Variants in GNL3L observed in about 807,000 individuals in gnomAD.
The protein encoded by GNL3L is guanine nucleotide-binding protein-like 3-like protein.
In GNL3L, 4 loss-of-function variants were observed where a neutral mutation model predicts 42.9. The ratio of observed to expected loss-of-function variants is 0.09; its 90% CI spans 0.05 to 0.21. The LOEUF is 0.21. Among genes scored for constraint, GNL3L ranks in the 10% least tolerant of loss-of-function variants. The pLI is 1.00. For missense variants in GNL3L, 412 were observed against 481.7 expected (o/e 0.86, Z 1.36); for synonymous variants, 159 against 176.3 (o/e 0.90, Z 0.78).
At chrX:54,551,162 CT>C (rs1251082561) in intron 10 of GNL3L, 112 bp downstream of exon 10, 2 of 523,746 alleles carry the variant, frequency 3.8e-6, no homozygotes, top group Non-Finnish European at 3.3e-6. Flanking sequence ...TCCCCTGATG[CT>C]TTCCCCAGGC....
chrX:54,542,961 G>A lies in GNL3L; in HGVS notation c.313G>A (p.Val105Ile), dbSNP rs765214560. 9 of 1,173,944 alleles carry A rather than the reference G, an allele frequency of 7.7e-6. No homozygotes were observed. The East Asian group carries it at 2.4e-4, about 31-fold the overall frequency. ...RQEEFEHKEEVLQELNMFPQL... is the reference protein window; with the variant it reads ...RQEEFEHKEEILQELNMFPQL... ...CTTTTTTTTTCTCCTTTAGGAGGAA[G>A]TTTTGCAGGAATTAAATATGTTTCC... Residue 105 changes from valine (V) to isoleucine (I), a missense_variant, in exon 6 of 16, where the codon GTT becomes ATT. Transcript: ENST00000360845.
chrX:54,630,635 A>T, the GNL3L span, among the ~76,000 whole-genome samples: 3 of 100,202 alleles, frequency 3.0e-5, no homozygotes, highest in East Asian at 3.2e-4. Context: ...TATAATTTCG[A>T]TTTTCTTTTG....
chrX:54,606,955 G>C (rs1926069159), intron 16 of GNL3L, among the ~76,000 whole-genome samples: 1 of 108,322 alleles, frequency 9.2e-6, no homozygotes, highest in Admixed American at 9.9e-5. Context: ...TATATATCTT[G>C]TTCTGAGTGA....
At chrX:54,607,070 T>G in intron 16 of GNL3L, among the ~76,000 whole-genome samples, 1 of 48,572 alleles carries the variant, frequency 2.1e-5, no homozygotes, top group African/African-American at 1.2e-4. Context: ...CTTTCTTTCT[T>G]TCTCTTTCTT....
intron 13 of GNL3L, among the ~76,000 whole-genome samples, chrX:54,553,222 A>T (rs892519779): frequency 9.0e-6 from 1 of 111,179 alleles, no homozygotes; most frequent in East Asian, 2.9e-4. Flanking sequence ...ACTCTCAGAA[A>T]CTCCTGAGAA....
chrX:54,622,688 G>A (rs5961104), downstream of GNL3L, among the ~76,000 whole-genome samples: 16,308 of 110,335 alleles, frequency 0.15, 1,958 homozygotes, highest in African/African-American at 0.41. Context: ...CACTTTCTTG[G>A]TAATGCCCTT....
In GNL3L at chrX:54,530,377, T is replaced by C. The variant is rs1924208315; in HGVS notation, c.-90T>C. On this transcript the variant is annotated 5_prime_UTR_variant, in exon 1 of 16. Coordinates refer to ENST00000360845, the MANE Select transcript of GNL3L (RefSeq NM_001184819.2). ...ACGGCCGGGCAGTTAGGATCGTCTATTGGATGTGAAACCAGAGATGCCCGC... is the reference window on the plus strand; with the variant it reads ...ACGGCCGGGCAGTTAGGATCGTCTACTGGATGTGAAACCAGAGATGCCCGC... 1 of 110,997 alleles carries C rather than the reference T, an allele frequency of 9.0e-6. No individual in the cohort carries two copies. Among genetic ancestry groups the C allele is most frequent in the South Asian group, 3.9e-4 (1 of 2,569 alleles). 9.1% of individuals were successfully genotyped at this position (110,997 alleles called of 1,213,427 possible).
intron 16 of GNL3L, among the ~76,000 whole-genome samples, chrX:54,587,635 C>T (rs1925801815): frequency 9.1e-6 from 1 of 109,932 alleles, no homozygotes; most frequent in African/African-American, 3.3e-5. Context: ...GTTAGATTTA[C>T]ATCTGAGTGT....
the GNL3L span, among the ~76,000 whole-genome samples, chrX:54,644,276 C>T: frequency 2.7e-5 from 3 of 112,053 alleles, no homozygotes; most frequent in South Asian, 3.7e-4. Context: ...TGCCAGCATC[C>T]GTTATTTTTT....
At chrX:54,538,859 C>T (rs1007182317) in intron 2 of GNL3L, among the ~76,000 whole-genome samples, 181 bp from the exon 3 acceptor site, 1 of 111,826 alleles carries the variant, frequency 8.9e-6, no homozygotes, top group African/African-American at 3.3e-5. Flanking sequence ...AATATTATAT[C>T]CAGTACTTCC....
chrX:54,533,257 G>T (rs1229148417), intron 2 of GNL3L, among the ~76,000 whole-genome samples: 2 of 109,332 alleles, frequency 1.8e-5, no homozygotes, highest in African/African-American at 6.7e-5. Context: ...AATGCCAGCT[G>T]CTTGGGAGGC....
intron 16 of GNL3L, among the ~76,000 whole-genome samples, chrX:54,583,519 T>C (rs1278712122): frequency 9.1e-6 from 1 of 110,408 alleles, no homozygotes; most frequent in Non-Finnish European, 1.9e-5. Flanking sequence ...TTATAGATCA[T>C]TGATGTCAAG....
chrX:54,593,839 T>C (rs1252713953), intron 16 of GNL3L, among the ~76,000 whole-genome samples: 1 of 111,929 alleles, frequency 8.9e-6, no homozygotes, highest in Non-Finnish European at 1.9e-5. Context: ...AATTTTCTTC[T>C]TAATTTCCTC....
intron 16 of GNL3L, among the ~76,000 whole-genome samples, chrX:54,607,026 TTC>T (rs1926079606): frequency 1.5e-5 from 1 of 65,980 alleles, no homozygotes; most frequent in Non-Finnish European, 2.5e-5. Context: ...CTTTCTTTCT[TTC>T]TTTCTTTCTT....
intron 16 of GNL3L, among the ~76,000 whole-genome samples, chrX:54,596,565 A>G (rs1454518367): frequency 8.9e-6 from 1 of 112,066 alleles, no homozygotes; most frequent in Admixed American, 9.4e-5. Context: ...GCTACTGCCA[A>G]TGTTCGATCA....
chrX:54,607,057 TTTCTTTCTTTCTTTCTCTTTCTTTC>T (rs1569542601), intron 16 of GNL3L, among the ~76,000 whole-genome samples: 3 of 60,285 alleles, frequency 5.0e-5, no homozygotes, highest in African/African-American at 1.9e-4. Context: ...TCTTTCTTTC[TTTCTTTCTTTCTTTCTCTTTCTTTC>T]TTCTTTCTTT....
At chrX:54,591,592 C>CA (rs56034612) in intron 16 of GNL3L, among the ~76,000 whole-genome samples, 1,873 of 62,226 alleles carry the variant, frequency 0.03, 17 homozygotes, top group African/African-American at 0.064. Flanking sequence ...GACTTTGTCT[C>CA]AAAAAAAAAA....
At chrX:54,597,569 G>GC (rs1308737803) in intron 16 of GNL3L, among the ~76,000 whole-genome samples, 3 of 110,557 alleles carry the variant, frequency 2.7e-5, no homozygotes, top group Admixed American at 1.9e-4. Flanking sequence ...TAGGTCCTGT[G>GC]CCCCCCCGCC....
intron 16 of GNL3L, among the ~76,000 whole-genome samples, chrX:54,600,641 T>C (rs1925994963): frequency 4.5e-5 from 5 of 110,920 alleles, no homozygotes; most frequent in Admixed American, 2.9e-4. Flanking sequence ...TTGGCCTTCG[T>C]TGACACCCAA....
Sources: allele counts gnomAD v4.1 joint callset (sites outside exome capture counted in the v4.1 genomes callset), GRCh38; gene constraint gnomAD v4.1.1; transcripts MANE v1.5; gene names NCBI Gene and HGNC (gene_info 2026-07-23, HGNC 2026-07-21).